PPIL4: variants seen among roughly 807,000 people sequenced by gnomAD.
PPIL4 encodes peptidyl-prolyl cis-trans isomerase-like 4.
Under a neutral mutation model 69.1 loss-of-function variants are expected in PPIL4, and 50 were observed. The ratio of observed to expected loss-of-function variants is 0.72; its 90% CI spans 0.58 to 0.92. The LOEUF (loss-of-function observed/expected upper bound fraction) is 0.92, where lower values mean the gene tolerates loss of function less well. Ranked by LOEUF, PPIL4 falls within the 40% of genes least tolerant of loss-of-function variation. The pLI, the probability that PPIL4 is intolerant of heterozygous loss-of-function variation, is 0.00. For missense variants in PPIL4, 480 were observed against 587.9 expected (o/e 0.82, Z 1.90); for synonymous variants, 193 against 191.6 (o/e 1.01, Z -0.06).
rs987420161 is a variant in PPIL4 at position 149,541,438 on chromosome 6, T to C, written c.139-7A>G. On this transcript the variant is annotated splice_polypyrimidine_tract_variant and splice_region_variant and intron_variant, in intron 2 of 12. Transcript: ENST00000253329. The stretch of plus-strand genomic sequence containing the variant: ...TTTGTATGATAAAATCCCTCTGTAA[T>C]ATGTAGGATTCTTTGTTAATTCACA... 5.7e-6 allele frequency: 9 copies of C among 1,573,244 alleles called. No individual in the cohort carries two copies. The highest frequency in any genetic ancestry group is 7.8e-6 in the Non-Finnish European group (9 of 1,150,006).
At chr6:149,514,406 C>A (rs941403348) in intron 11 of PPIL4, among the ~76,000 whole-genome samples, 1 of 152,180 alleles carries the variant, frequency 6.6e-6, no homozygotes, top group African/African-American at 2.4e-5. Flanking sequence ...CCTGCAACCA[C>A]CCCATCCAGG....
chr6:149,528,157 G>A (rs1777138727), intron 7 of PPIL4, among the ~76,000 whole-genome samples: 1 of 152,122 alleles, frequency 6.6e-6, no homozygotes, highest in African/African-American at 2.4e-5. Flanking sequence ...AAGGTTGGAT[G>A]GACTGCTTGG....
At chr6:149,521,833 T>A (rs1038355701) in intron 9 of PPIL4, among the ~76,000 whole-genome samples, 2 of 152,220 alleles carry the variant, frequency 1.3e-5, no homozygotes, top group African/African-American at 4.8e-5. Flanking sequence ...GAGACTGTAA[T>A]ACCAAGCTCT....
Position 149,533,474 on chromosome 6 carries a change from G to A in PPIL4, c.662C>T (p.Ala221Val). ...IKAEKEAKTQ[A>V]ILLEMVGDLP... ...TTATCTTACCATCTCCAAAAGTATAGCCTGAGTTTTAGCCTCTTTTTCTGC... is the reference window on the plus strand; with the variant it reads ...TTATCTTACCATCTCCAAAAGTATAACCTGAGTTTTAGCCTCTTTTTCTGC... The change falls in exon 7 of 13, where the codon GCT becomes GTT. Residue 221 changes from alanine to valine, a missense_variant. Transcript: ENST00000253329. 6.4e-7 allele frequency: 1 copy of A among 1,572,924 alleles called. No individual in the cohort carries two copies. Among genetic ancestry groups the A allele is most frequent in the Non-Finnish European group, 8.7e-7 (1 of 1,143,072 alleles).
In PPIL4 at chr6:149,505,572, T is replaced by C. The variant is rs776099187; in HGVS notation, c.1360A>G (p.Ser454Gly). ...TGGTATTTTGATTTATGACTATTACTATAATGGCCATCCCTCTCTCGAGAT... is the reference window on the plus strand; with the variant it reads ...TGGTATTTTGATTTATGACTATTACCATAATGGCCATCCCTCTCTCGAGAT... ...SRSRERDGHY[S>G]NSHKSKYQTD... is the part of the protein sequence containing the mutation. The change falls in exon 13 of 13, where the codon AGT (serine) becomes GGT (glycine). Residue 454 changes from serine (S) to glycine (G), a missense_variant. Ser to Gly is a moderately conservative substitution (Grantham distance 56, BLOSUM62 0). Transcript: ENST00000253329. 5 of 1,614,046 alleles carry C rather than the reference T, an allele frequency of 3.1e-6. No homozygotes were observed. The highest frequency in any genetic ancestry group is 1.1e-5 in the South Asian group (1 of 91,088).
In PPIL4 at chr6:149,505,300, G is replaced by A. The variant is rs1211056449; in HGVS notation, c.*153C>T. 10 of 563,970 alleles carry A rather than the reference G, an allele frequency of 1.8e-5. No homozygotes were observed. Among genetic ancestry groups the A allele is most frequent in the Admixed American group, 3.6e-5 (1 of 27,820 alleles). 34.9% of individuals were successfully genotyped at this position (563,970 alleles called of 1,614,324 possible). ...AAAATGTTCAATTCTTTATCTTTCCGTGCTCTATATAATCAGTATTAATCT... is the reference window on the plus strand; with the variant it reads ...AAAATGTTCAATTCTTTATCTTTCCATGCTCTATATAATCAGTATTAATCT... On this transcript the variant is annotated 3_prime_UTR_variant, in exon 13 of 13. Coordinates refer to ENST00000253329, the MANE Select transcript of PPIL4 (RefSeq NM_139126.4).
intron 10 of PPIL4, among the ~76,000 whole-genome samples, chr6:149,518,742 A>C (rs1188067436): frequency 6.6e-6 from 1 of 152,232 alleles, no homozygotes; most frequent in African/African-American, 2.4e-5. Context: ...ACTATGGATG[A>C]AGCAGTTACC....
At chr6:149,543,955 T>C (rs1227336216) in intron 1 of PPIL4, among the ~76,000 whole-genome samples, 1 of 152,252 alleles carries the variant, frequency 6.6e-6, no homozygotes, top group African/African-American at 2.4e-5. Context: ...AGTCTGGATA[T>C]GTTGATCATA....
intron 3 of PPIL4, 27 bp from the exon 4 acceptor site, chr6:149,541,086 G>GT (rs753627381): frequency 7.7e-7 from 1 of 1,303,822 alleles, no homozygotes; most frequent in Non-Finnish European, 1.1e-6. Context: ...GGTTATAAAT[G>GT]TAAGTACTCT....
intron 11 of PPIL4, among the ~76,000 whole-genome samples, chr6:149,516,480 A>G (rs1776946255): frequency 6.6e-6 from 1 of 152,190 alleles, no homozygotes; most frequent in South Asian, 2.1e-4. Context: ...CATATGTAGA[A>G]AAAAAAATCC....
intron 12 of PPIL4, among the ~76,000 whole-genome samples, chr6:149,509,466 G>A (rs1310680517): frequency 6.6e-6 from 1 of 152,192 alleles, no homozygotes; most frequent in Non-Finnish European, 1.5e-5. Flanking sequence ...GGAGCTAAAA[G>A]CAGCACATGG....
At chr6:149,543,741 C>T (rs750327274) in intron 1 of PPIL4, among the ~76,000 whole-genome samples, 25 of 151,668 alleles carry the variant, frequency 1.6e-4, no homozygotes, top group Non-Finnish European at 3.5e-4. Context: ...GAAATACATA[C>T]TGAAGTAATT....
intron 9 of PPIL4, among the ~76,000 whole-genome samples, chr6:149,524,689 C>T (rs183530660): frequency 0.011 from 1,617 of 152,230 alleles, 17 homozygotes; most frequent in South Asian, 0.016. Context: ...TGCTTGAGGT[C>T]AGGAGTTCAA....
chr6:149,544,771 G>C (rs770492173), intron 1 of PPIL4, among the ~76,000 whole-genome samples: 1 of 152,220 alleles, frequency 6.6e-6, no homozygotes, highest in Non-Finnish European at 1.5e-5. Flanking sequence ...GTACGGGAGA[G>C]TTTGTAGTGT....
intron 4 of PPIL4, 57 bp downstream of exon 4, chr6:149,540,885 G>A: frequency 1.9e-6 from 2 of 1,046,534 alleles, no homozygotes; most frequent in African/African-American, 1.6e-5. Context: ...TAACTCTGTG[G>A]GCTCCTTCCA....
chr6:149,534,712 T>A lies in PPIL4; in HGVS notation c.527A>T (p.Asp176Val). The stretch of plus-strand genomic sequence containing the variant: ...TTCCCTTGTAGGTTCTGGTGATCGA[T>A]CAGGGATTAATAAATCAGGAGGGTC... ...FDDPPDLLIP[D>V]RSPEPTREQL... The change falls in exon 6 of 13, where the codon GAT becomes GTT. Residue 176 changes from aspartate to valine, a missense_variant. Asp to Val is a radical substitution (Grantham distance 152). Transcript: ENST00000253329. 1 of 1,594,846 alleles carries A rather than the reference T, an allele frequency of 6.3e-7. No individual in the cohort carries two copies. The highest frequency in any genetic ancestry group is 8.6e-7 in the Non-Finnish European group (1 of 1,166,014).
intron 4 of PPIL4, 52 bp downstream of exon 4, chr6:149,540,890 C>A: frequency 9.0e-7 from 1 of 1,115,876 alleles, no homozygotes; most frequent in Non-Finnish European, 1.3e-6. Context: ...CTGTGGGCTC[C>A]TTCCAGTCCT....
At chr6:149,505,746 A>C (rs761731618) in intron 12 of PPIL4, 42 bp from the exon 13 acceptor site, 33 of 1,574,638 alleles carry the variant, frequency 2.1e-5, no homozygotes, top group Non-Finnish European at 2.8e-5. Flanking sequence ...CAGTAAAATA[A>C]TCATTTTGTG....
intron 12 of PPIL4, among the ~76,000 whole-genome samples, chr6:149,507,143 A>C (rs1040863078): frequency 6.6e-6 from 1 of 152,232 alleles, no homozygotes; most frequent in Admixed American, 6.5e-5. Context: ...TAGCAGACAT[A>C]AATGTCAAGG....
Sources: allele counts gnomAD v4.1 joint callset (sites outside exome capture counted in the v4.1 genomes callset), GRCh38; gene constraint gnomAD v4.1.1; transcripts MANE v1.5; gene names NCBI Gene and HGNC (gene_info 2026-07-23, HGNC 2026-07-21).